UBA7: variants seen among roughly 807,000 people sequenced by gnomAD.
The protein encoded by UBA7 is ubiquitin-like modifier-activating enzyme 7.
In UBA7, 88 loss-of-function variants were observed where a neutral mutation model predicts 113.0. That is an observed-to-expected ratio of 0.78 (90% CI 0.66 to 0.93). The LOEUF is 0.93. UBA7 is among the 40% of genes least tolerant of loss of function. UBA7 has a pLI of 0.00. For synonymous variants in UBA7, 459 were observed against 513.0 expected, an observed-to-expected ratio of 0.89 and a Z score of 1.42; for missense variants, 1,092 against 1,266.4, an observed-to-expected ratio of 0.86 and a Z score of 2.09.
chr3:49,807,668 G>A lies in UBA7; in HGVS notation c.2715+68C>T, dbSNP rs1035425585. On this transcript the variant is annotated intron_variant, in intron 21 of 23. Coordinates refer to ENST00000333486, the MANE Select transcript of UBA7 (RefSeq NM_003335.3). This position sits in a 1 kb window ranked among gnomAD's most constrained non-coding sequence, Gnocchi z 4.0. ...AGTGAGAGCCGGCAGCTAGATTGGG[G>A]CCTGTATGGGCAGGTGCAGGGGAAA... is the stretch of plus-strand genomic sequence containing the variant. 3 of 1,516,688 alleles carry A rather than the reference G, an allele frequency of 2.0e-6. No individual in the cohort carries two copies. In the Admixed American group the frequency reaches 6.5e-5, roughly 33 times the overall value. 94.0% of individuals were successfully genotyped at this position (1,516,688 alleles called of 1,614,324 possible).
Position 49,806,012 on chromosome 3 carries a change from T to C in UBA7, c.2809-15A>G, listed in dbSNP as rs996596367. 5 of 1,566,336 alleles carry C rather than the reference T, an allele frequency of 3.2e-6. No homozygotes were observed. In the African/African-American group the frequency reaches 6.8e-5, roughly 21 times the overall value. ...CCGTGCTGCTCCTAGAGGAGAAAGGTCAGACACCAGCTGGGCCGGGCTGGG... is the reference window on the plus strand; with the variant it reads ...CCGTGCTGCTCCTAGAGGAGAAAGGCCAGACACCAGCTGGGCCGGGCTGGG... On this transcript the variant is annotated splice_polypyrimidine_tract_variant and intron_variant, in intron 22 of 23. Transcript: ENST00000333486.
At chr3:49,809,911 G>A in intron 14 of UBA7, 32 bp from the exon 15 acceptor site, 1 of 1,614,172 alleles carries the variant, frequency 6.2e-7, no homozygotes. Flanking sequence ...TGAGGTATCA[G>A]GTGGAGAACA....
At position 49,810,946 on chromosome 3, in the gene UBA7, T is replaced by A; in HGVS notation, c.1230+38A>T. On this transcript the variant is annotated intron_variant, in intron 10 of 23. Coordinates refer to ENST00000333486, the MANE Select transcript of UBA7 (RefSeq NM_003335.3). This position sits in a 1 kb window ranked among gnomAD's most constrained non-coding sequence, Gnocchi z 5.6. ...CCTCATGCTTCTCCCCTAGTCCTGA[T>A]TTTGGACAAGGCTTGCACCCCTATC... The A allele has an allele frequency of 6.2e-7, 1 of 1,611,876 alleles. No homozygotes were observed. Among genetic ancestry groups the A allele is most frequent in the Non-Finnish European group, 8.5e-7 (1 of 1,178,068 alleles).
intron 23 of UBA7, among the ~76,000 whole-genome samples, 177 bp from the exon 24 acceptor site, chr3:49,805,614 A>C (rs1041684679): frequency 2.6e-5 from 4 of 152,100 alleles, no homozygotes; most frequent in Non-Finnish European, 5.9e-5. Flanking sequence ...GGCAAGCAGG[A>C]GGCAGGAAGC....
In UBA7 at chr3:49,811,094, A is replaced by G. The variant is rs759647106; in HGVS notation, c.1123-3T>C. Reference sequence around the variant, plus strand: ...GGCATGAACTTCCTGGAGATTGCCTAGGGGCAGCACTTCAGGCTGGGCACT... The same window carrying G: ...GGCATGAACTTCCTGGAGATTGCCTGGGGGCAGCACTTCAGGCTGGGCACT... On this transcript the variant is annotated splice_region_variant and splice_polypyrimidine_tract_variant and intron_variant, in intron 9 of 23. Coordinates refer to ENST00000333486, the MANE Select transcript of UBA7 (RefSeq NM_003335.3). 6 of 1,613,760 alleles carry G rather than the reference A, an allele frequency of 3.7e-6. 1 individual carries two copies. The South Asian group carries it at 5.5e-5, about 15-fold the overall frequency.
rs765841641 is a variant in UBA7 at position 49,809,727 on chromosome 3, T to A, written c.1905-2A>T. The A allele has an allele frequency of 1.6e-5, 26 of 1,614,008 alleles. No individual in the cohort carries two copies. The Admixed American group carries it at 3.0e-4, about 19-fold the overall frequency. On this transcript the variant is annotated splice_acceptor_variant, in intron 15 of 23. Coordinates refer to ENST00000333486, the MANE Select transcript of UBA7 (RefSeq NM_003335.3). LOFTEE classifies it high-confidence loss of function. ...ATGTCTGCCAGGGAAGTGTGTGCCCTGCAGAGAGAGGAGGAAGTGTGAGAC... is the reference window on the plus strand; with the variant it reads ...ATGTCTGCCAGGGAAGTGTGTGCCCAGCAGAGAGAGGAGGAAGTGTGAGAC...
In UBA7 at chr3:49,809,092, GAGCC is replaced by G; in HGVS notation, c.2227_2230del (p.Gly743HisfsTer11). 1.9e-6 allele frequency: 3 copies of G among 1,613,654 alleles called. No individual in the cohort carries two copies. The highest frequency in any genetic ancestry group is 1.7e-6 in the Non-Finnish European group (2 of 1,179,890). On this transcript the variant is annotated frameshift_variant, in exon 18 of 24. Transcript: ENST00000333486. LOFTEE classifies it high-confidence loss of function. ...CTCCCTGAGTGCAGTCCAGTCCTGT[GAGCC>G]AGGCAGCCCATGCATCTGGGCATAC...
Position 49,809,744 on chromosome 3 carries a change from G to A in UBA7, c.1905-19C>T, listed in dbSNP as rs2081512275. ...GTGTGCCCTGCAGAGAGAGGAGGAA[G>A]TGTGAGACTGAGTCCTGCAGACTCA... is the stretch of plus-strand genomic sequence containing the variant. On this transcript the variant is annotated intron_variant, in intron 15 of 23. Coordinates refer to ENST00000333486, the MANE Select transcript of UBA7 (RefSeq NM_003335.3). 6.2e-7 allele frequency: 1 copy of A among 1,614,150 alleles called. No individual in the cohort carries two copies. The highest frequency in any genetic ancestry group is 8.5e-7 in the Non-Finnish European group (1 of 1,180,044).
At chr3:49,808,540 A>T (rs1356942626) in intron 18 of UBA7, 72 bp from the exon 19 acceptor site, 2 of 1,511,144 alleles carry the variant, frequency 1.3e-6, no homozygotes, top group Non-Finnish European at 1.8e-6. Flanking sequence ...CCCTGTGCCT[A>T]TTCTTGGTCT....
intron 9 of UBA7, 29 bp from the exon 10 acceptor site, chr3:49,811,120 C>A (rs756004471): frequency 6.2e-7 from 1 of 1,610,844 alleles, no homozygotes; most frequent in Non-Finnish European, 8.5e-7. Flanking sequence ...GCTGGGCACT[C>A]CTGCCACCTC....
Position 49,810,963 on chromosome 3 carries a change from A to T in UBA7, c.1230+21T>A. On this transcript the variant is annotated intron_variant, in intron 10 of 23. Coordinates refer to ENST00000333486, the MANE Select transcript of UBA7 (RefSeq NM_003335.3). The surrounding 1 kb of genome is among the most constrained non-coding windows in gnomAD (Gnocchi z 5.6). The stretch of plus-strand genomic sequence containing the variant: ...AGTCCTGATTTTGGACAAGGCTTGC[A>T]CCCCTATCCCAGGCTCTCACCAGGG... 6.2e-7 allele frequency: 1 copy of T among 1,613,334 alleles called. No homozygotes were observed. Among genetic ancestry groups the T allele is most frequent in the Non-Finnish European group, 8.5e-7 (1 of 1,179,474 alleles).
rs2234390 is a variant in UBA7, at chr3:49,805,350, G to A, written c.2997C>T (p.Asp999=). 6,538 of 1,613,898 alleles carry A rather than the reference G, an allele frequency of 4.1e-3. 403 individuals are homozygous for A. In the Admixed American group the frequency reaches 0.099, roughly 24 times the overall value. The change falls in exon 24 of 24, where the codon GAC becomes GAT. Residue 999 remains aspartate, a synonymous_variant. Coordinates refer to ENST00000333486, the MANE Select transcript of UBA7 (RefSeq NM_003335.3). ...VLVLELSCEG[D]DEDTAFPPLH... is the part of the protein sequence containing the mutation. Reference sequence around the variant, plus strand: ...GAGGTGGGAAGGCAGTGTCCTCGTCGTCACCCTCACAGCTCAGCTCTAGCA... The same window carrying A: ...GAGGTGGGAAGGCAGTGTCCTCGTCATCACCCTCACAGCTCAGCTCTAGCA...
chr3:49,811,694 G>A, intron 8 of UBA7, 176 bp downstream of exon 8: 1 of 1,204,564 alleles, frequency 8.3e-7, no homozygotes, highest in Middle Eastern at 2.9e-4. Context: ...GAGGGGTCGG[G>A]GTGTAGCAGG....
At position 49,805,365 on chromosome 3, in the gene UBA7, C is replaced by G. The variant is rs1315433968; in HGVS notation, c.2982G>C (p.Leu994=). 6.2e-7 allele frequency: 1 copy of G among 1,613,948 alleles called. No individual in the cohort carries two copies. ...TGTCCTCGTCGTCACCCTCACAGCT[C>G]AGCTCTAGCACCAACACCCGCTGCC... The part of the protein sequence containing the change: ...APGQRVLVLE[L]SCEGDDEDTA... Residue 994 remains leucine, a synonymous_variant, in exon 24 of 24, where the codon CTG becomes CTC. Coordinates refer to ENST00000333486, the MANE Select transcript of UBA7 (RefSeq NM_003335.3).
At position 49,813,236 on chromosome 3, in the gene UBA7, G is replaced by C; in HGVS notation, c.360+13C>G. On this transcript the variant is annotated intron_variant, in intron 3 of 23. Transcript: ENST00000333486. ...GCCCTTCCTGCTCTTGAGGGCTGCAGGCCTGAGCTGACCTGGAAGTCCAAC... is the reference window on the plus strand; with the variant it reads ...GCCCTTCCTGCTCTTGAGGGCTGCACGCCTGAGCTGACCTGGAAGTCCAAC... 1 of 1,614,024 alleles carries C rather than the reference G, an allele frequency of 6.2e-7. No homozygotes were observed. The highest frequency in any genetic ancestry group is 8.5e-7 in the Non-Finnish European group (1 of 1,179,972).
Position 49,805,317 on chromosome 3 carries a change from A to G in UBA7, c.3030T>C (p.Tyr1010=). Residue 1010 remains tyrosine, a synonymous_variant, in exon 24 of 24, where the codon TAT becomes TAC. Transcript: ENST00000333486. The part of the protein sequence containing the change: ...DEDTAFPPLH[Y]EL The stretch of plus-strand genomic sequence containing the variant: ...CAGGGTGGCTGCCTTGTCACAGCTC[A>G]TAGTGCAGAGGTGGGAAGGCAGTGT... 1.2e-6 allele frequency: 2 copies of G among 1,613,854 alleles called. No homozygotes were observed. The highest frequency in any genetic ancestry group is 1.7e-6 in the Non-Finnish European group (2 of 1,179,932).
Position 49,810,126 on chromosome 3 carries a change from G to A in UBA7, c.1691C>T (p.Thr564Ile). 1 of 1,612,880 alleles carries A rather than the reference G, an allele frequency of 6.2e-7. No homozygotes were observed. The highest frequency in any genetic ancestry group is 2.2e-5 in the East Asian group (1 of 44,884). ...HYLKPLLEAGTSGTWGSATVF... is the reference protein window; with the variant it reads ...HYLKPLLEAGISGTWGSATVF... ...TGTAGCACTGCCCCAGGTGCCCGAT[G>A]TGCCTGCCTCCAGCAGTGGCTTCAG... Residue 564 changes from threonine to isoleucine, a missense_variant, in exon 14 of 24, where the codon ACA becomes ATA. Transcript: ENST00000333486. The surrounding 1 kb of genome is among the most constrained non-coding windows in gnomAD (Gnocchi z 5.6).
chr3:49,809,361 C>G (rs368503639), intron 17 of UBA7, 29 bp downstream of exon 17: 21 of 1,611,094 alleles, frequency 1.3e-5, no homozygotes, highest in Non-Finnish European at 5.1e-6. Flanking sequence ...ACATCTCTAT[C>G]TTGGAGCTCC....
chr3:49,806,349 C>G (rs1342624030), intron 21 of UBA7, 184 bp from the exon 22 acceptor site: 2 of 615,814 alleles, frequency 3.2e-6, no homozygotes, highest in Admixed American at 2.9e-5. Flanking sequence ...AGGCCGGGGC[C>G]AGCACAGGAA....
Sources: allele counts gnomAD v4.1 joint callset (sites outside exome capture counted in the v4.1 genomes callset), GRCh38; gene constraint gnomAD v4.1.1; non-coding constraint Gnocchi (gnomAD v3.1); transcripts MANE v1.5; gene names NCBI Gene and HGNC (gene_info 2026-07-23, HGNC 2026-07-21).